The following SLC22A25 variants were observed in gnomAD, a reference collection of about 807,000 sequenced individuals.
The protein encoded by SLC22A25 is MGI:2442751, MGI:2385316, MGI:3042283, MGI:3645714, MGI:3605624, MGI:2442750.
In SLC22A25, 44 loss-of-function variants were observed where a neutral mutation model predicts 45.9. The ratio of observed to expected loss-of-function variants is 0.96; its 90% CI spans 0.75 to 1.23. SLC22A25 has a LOEUF of 1.23. Ranked by LOEUF, SLC22A25 falls within the 50% of genes most tolerant of loss-of-function variation. SLC22A25 has a pLI of 0.00. For synonymous variants in SLC22A25, 283 were observed against 238.6 expected (o/e 1.19, Z -1.72); for missense variants, 800 against 666.4 (o/e 1.20, Z -2.21).
At chr11:63,180,898 A>G (rs1409118224) in intron 8 of SLC22A25, 123 bp from the exon 9 acceptor site, 6 of 637,960 alleles carry the variant, frequency 9.4e-6, no homozygotes, top group Non-Finnish European at 1.6e-5. Flanking sequence ...CAGAAAATAC[A>G]TGGCTTAAAA....
chr11:63,193,368 TG>T (rs1242653839), intron 7 of SLC22A25, among the ~76,000 whole-genome samples: 1 of 152,216 alleles, frequency 6.6e-6, no homozygotes, highest in African/African-American at 2.4e-5. Flanking sequence ...GTAGCCTAAC[TG>T]GGAGACACCT....
intron 4 of SLC22A25, 102 bp from the exon 5 acceptor site, chr11:63,228,666 C>T: frequency 1.2e-6 from 1 of 820,022 alleles, no homozygotes; most frequent in Non-Finnish European, 1.9e-6. Flanking sequence ...ATCTTCCTCC[C>T]TAGCTTCCCT....
chr11:63,197,770 C>T (rs893714094), intron 7 of SLC22A25, among the ~76,000 whole-genome samples: 1 of 151,640 alleles, frequency 6.6e-6, no homozygotes, highest in Non-Finnish European at 1.5e-5. Flanking sequence ...AAGATGCTAC[C>T]ATCAGAGTGA....
intron 7 of SLC22A25, among the ~76,000 whole-genome samples, chr11:63,188,851 T>C (rs564139006): frequency 2.0e-5 from 3 of 152,238 alleles, no homozygotes; most frequent in Non-Finnish European, 4.4e-5. Flanking sequence ...TGTAGTTGAG[T>C]GGTTTTGAGT....
chr11:63,220,588 A>G (rs1044292084), intron 5 of SLC22A25, among the ~76,000 whole-genome samples: 2 of 152,204 alleles, frequency 1.3e-5, no homozygotes, highest in African/African-American at 4.8e-5. Flanking sequence ...GGCACCCATC[A>G]CCTCAAGCAT....
At chr11:63,231,295 C>T (rs1172791375) in intron 3 of SLC22A25, among the ~76,000 whole-genome samples, 1 of 152,196 alleles carries the variant, frequency 6.6e-6, no homozygotes, top group Non-Finnish European at 1.5e-5. Context: ...TATTTTTCCA[C>T]ATCCTCTCCA....
chr11:63,180,548 A>G, intron 9 of SLC22A25, 112 bp downstream of exon 9: 2 of 716,760 alleles, frequency 2.8e-6, no homozygotes, highest in Admixed American at 3.1e-5. Context: ...TTATGGATTT[A>G]TCATCTTTTA....
At chr11:63,240,413 A>T (rs1294253424) in intron 1 of SLC22A25, among the ~76,000 whole-genome samples, 2 of 152,222 alleles carry the variant, frequency 1.3e-5, no homozygotes, top group African/African-American at 4.8e-5. Context: ...AGTTTAAATC[A>T]TAAGATATAC....
At chr11:63,175,003 C>A (rs2088033964) in intron 9 of SLC22A25, among the ~76,000 whole-genome samples, 1 of 152,100 alleles carries the variant, frequency 6.6e-6, no homozygotes, top group Non-Finnish European at 1.5e-5. Context: ...TGAGTACGTA[C>A]CACATTTTAC....
intron 7 of SLC22A25, among the ~76,000 whole-genome samples, chr11:63,195,146 A>T (rs1213615135): frequency 1.3e-5 from 2 of 152,178 alleles, no homozygotes; most frequent in African/African-American, 4.8e-5. Flanking sequence ...CTCCCACACA[A>T]TAATAATGGG....
At chr11:63,192,523 A>T (rs1051209434) in intron 7 of SLC22A25, among the ~76,000 whole-genome samples, 2 of 152,212 alleles carry the variant, frequency 1.3e-5, no homozygotes, top group Non-Finnish European at 2.9e-5. Context: ...TAAATGCCCC[A>T]GTTAAAAGAC....
rs368677783 is a variant in SLC22A25, at chr11:63,233,076, G to C, written c.-444-2980C>G. 4.4e-4 allele frequency among the ~76,000 whole-genome samples: 67 copies of C among 152,306 alleles called. 3 individuals are homozygous for C. The highest frequency in any genetic ancestry group is 2.3e-3 in the East Asian group (12 of 5,188). On this transcript the variant is annotated intron_variant, in intron 3 of 11. Transcript: ENST00000306494. ...GATTTTTGCATCAATGTTCATCAAG[G>C]ATATTGGTCTAAAATTCTCTTTTTC...
At chr11:63,171,272 C>T (rs1320642330) in intron 9 of SLC22A25, among the ~76,000 whole-genome samples, 1 of 152,172 alleles carries the variant, frequency 6.6e-6, no homozygotes, top group Non-Finnish European at 1.5e-5. Context: ...TGCCCTCTCT[C>T]ACCACTCCTA....
In SLC22A25 at chr11:63,234,740, C is replaced by T. The variant is rs183437104; in HGVS notation, c.-445+3141G>A. On this transcript the variant is annotated intron_variant, in intron 3 of 11. Transcript: ENST00000306494. ...GCAGTTTGTTCCTAGCCTTGATGGTCTTTACAATTTGGCATGTTGTTGCAG... is the reference window on the plus strand; with the variant it reads ...GCAGTTTGTTCCTAGCCTTGATGGTTTTTACAATTTGGCATGTTGTTGCAG... Among the ~76,000 whole-genome samples the T allele has an allele frequency of 3.7e-3, 563 of 152,278 alleles. 5 individuals carry two copies. The highest frequency in any genetic ancestry group is 0.013 in the African/African-American group (530 of 41,558).
chr11:63,173,781 C>T (rs1044050648), intron 9 of SLC22A25, among the ~76,000 whole-genome samples: 3 of 152,132 alleles, frequency 2.0e-5, no homozygotes, highest in East Asian at 3.8e-4. Context: ...TCTGGTGATC[C>T]TTACCCAGGA....
chr11:63,230,269 A>G (rs1482649231), intron 3 of SLC22A25, among the ~76,000 whole-genome samples, 173 bp from the exon 4 acceptor site: 1 of 152,218 alleles, frequency 6.6e-6, no homozygotes, highest in Non-Finnish European at 1.5e-5. Flanking sequence ...CACTGGAAGT[A>G]AATTACTTCA....
In SLC22A25 at chr11:63,241,451, G is replaced by A. The variant is rs577578780; in HGVS notation, c.-996+1983C>T. 5.9e-5 allele frequency among the ~76,000 whole-genome samples: 9 copies of A among 152,074 alleles called. No individual in the cohort carries two copies. In the East Asian group the frequency reaches 1.4e-3, roughly 23 times the overall value. On this transcript the variant is annotated intron_variant, in intron 1 of 11. Transcript: ENST00000306494. The stretch of plus-strand genomic sequence containing the variant: ...CACACCTCATGCCCACTCCACAGGT[G>A]CATCCCCATGCCTCTTTCCCAGACC...
chr11:63,228,039 C>G (rs1182988737), intron 5 of SLC22A25, among the ~76,000 whole-genome samples: 6 of 152,236 alleles, frequency 3.9e-5, no homozygotes, highest in Non-Finnish European at 7.3e-5. Flanking sequence ...TCAAGACTGT[C>G]TTTCCTACCC....
At chr11:63,240,363 G>C (rs973715182) in intron 1 of SLC22A25, among the ~76,000 whole-genome samples, 1 of 152,028 alleles carries the variant, frequency 6.6e-6, no homozygotes, top group Non-Finnish European at 1.5e-5. Flanking sequence ...AAATGTTTTT[G>C]TTGTGTTAAT....
Sources: allele counts gnomAD v4.1 joint callset (sites outside exome capture counted in the v4.1 genomes callset), GRCh38; gene constraint gnomAD v4.1.1; transcripts MANE v1.5; gene names NCBI Gene and HGNC (gene_info 2026-07-23, HGNC 2026-07-21).